The following CCDC30 variants were observed in gnomAD, a reference collection of about 807,000 sequenced individuals.
CCDC30 encodes the protein coiled-coil domain-containing protein 30.
Under a neutral mutation model 100.2 loss-of-function variants are expected in CCDC30, and 70 were observed. That is an observed-to-expected ratio of 0.70 (90% CI 0.58 to 0.85). The LOEUF is 0.85. CCDC30 is among the 40% of genes least tolerant of loss of function. The pLI is 0.00. For synonymous variants in CCDC30, 233 were observed against 269.5 expected (o/e 0.86, Z 1.33); for missense variants, 652 against 771.2 (o/e 0.85, Z 1.83).
chr1:42,479,861 A>G (rs1643930239), intron 1 of CCDC30, among the ~76,000 whole-genome samples: 1 of 152,108 alleles, frequency 6.6e-6, no homozygotes, highest in Non-Finnish European at 1.5e-5. Flanking sequence ...TTCCCATGGG[A>G]AGATGTGATT....
In CCDC30 at chr1:42,490,547, T is replaced by TTAC. The variant is rs142785295; in HGVS notation, c.241+331_241+333dup. On this transcript the variant is annotated intron_variant, in intron 4 of 16. Coordinates refer to ENST00000668663, the Ensembl canonical transcript of CCDC30. ...ATTGCTGTTGCTACTACTGTTATTA[T>TTAC]TACTACTACTACTACCACTACTACT... Among the ~76,000 whole-genome samples, 777 of 151,626 alleles carry TTAC rather than the reference T, an allele frequency of 5.1e-3. 7 individuals carry two copies. Among genetic ancestry groups the TTAC allele is most frequent in the African/African-American group, 0.018 (750 of 41,378 alleles).
At chr1:42,577,063 G>A (rs549080670) in exon 8 of CCDC30, 1 of 1,614,020 alleles carries the variant, frequency 6.2e-7, no homozygotes, top group African/African-American at 1.3e-5. Context: ...TTATTAGACA[G>A]CACAAAGATG....
Position 42,624,084 on chromosome 1 carries a change from T to G in CCDC30, c.1277+12994T>G, listed in dbSNP as rs190360095. 1.2e-3 allele frequency among the ~76,000 whole-genome samples: 183 copies of G among 152,342 alleles called. 1 individual carries two copies. Among genetic ancestry groups the G allele is most frequent in the African/African-American group, 4.3e-3 (178 of 41,586 alleles). On this transcript the variant is annotated intron_variant, in intron 11 of 16. Coordinates refer to ENST00000668663, the Ensembl canonical transcript of CCDC30. ...CTGATTTTTGTATGTTGATTTTCTA[T>G]TCTGCAACTTTACTGAATTTGTTTA...
intron 12 of CCDC30, among the ~76,000 whole-genome samples, chr1:42,642,069 C>T (rs1307041629): frequency 6.6e-6 from 1 of 151,818 alleles, no homozygotes; most frequent in Non-Finnish European, 1.5e-5. Flanking sequence ...ACTAAAAATA[C>T]AAAAAACTTA....
chr1:42,618,705 G>A (rs1646773799), intron 11 of CCDC30, among the ~76,000 whole-genome samples: 1 of 152,178 alleles, frequency 6.6e-6, no homozygotes, highest in Non-Finnish European at 1.5e-5. Context: ...TATGTAGTGG[G>A]TGCTGATGGT....
At chr1:42,613,541 A>T (rs1646667036) in intron 11 of CCDC30, among the ~76,000 whole-genome samples, 1 of 152,136 alleles carries the variant, frequency 6.6e-6, no homozygotes, top group Non-Finnish European at 1.5e-5. Context: ...GGCGTGAGCC[A>T]CCGTGCCCGG....
At chr1:42,544,032 T>C (rs917460737) in intron 6 of CCDC30, among the ~76,000 whole-genome samples, 3 of 152,174 alleles carry the variant, frequency 2.0e-5, no homozygotes, top group African/African-American at 7.2e-5. Context: ...CCATTTTCCT[T>C]TCTTATTTTT....
chr1:42,456,688 G>A, the CCDC30 span: 1 of 1,606,452 alleles, frequency 6.2e-7, no homozygotes, highest in Non-Finnish European at 8.5e-7. Context: ...TGTTGGTTAC[G>A]TCAGGCGGCA....
At chr1:42,513,959 A>G (rs1644517772) in intron 6 of CCDC30, among the ~76,000 whole-genome samples, 1 of 152,148 alleles carries the variant, frequency 6.6e-6, no homozygotes, top group Non-Finnish European at 1.5e-5. Flanking sequence ...TAACAACCAT[A>G]TCTCATGTGA....
chr1:42,457,239 CT>C, the CCDC30 span: 1 of 1,614,034 alleles, frequency 6.2e-7, no homozygotes, highest in Admixed American at 1.7e-5. Context: ...TTGTGTTTCT[CT>C]TTGCAGGCCC....
At chr1:42,608,711 T>A (rs116210446) in intron 10 of CCDC30, among the ~76,000 whole-genome samples, 1 of 104,524 alleles carries the variant, frequency 9.6e-6, no homozygotes, top group Non-Finnish European at 2.0e-5. Context: ...TCCGTCTCTC[T>A]GTCTCAAAAA....
chr1:42,486,530 G>A (rs1404096368), intron 3 of CCDC30, among the ~76,000 whole-genome samples: 4 of 152,176 alleles, frequency 2.6e-5, no homozygotes, highest in Non-Finnish European at 4.4e-5. Flanking sequence ...AACCTTAGGT[G>A]GTGAGTCTTT....
intron 6 of CCDC30, among the ~76,000 whole-genome samples, chr1:42,507,667 TA>T (rs1186515311): frequency 1.3e-5 from 2 of 152,258 alleles, no homozygotes; most frequent in Admixed American, 1.3e-4. Flanking sequence ...TTTTTAACTT[TA>T]ATGTGAAACC....
rs140772347 is a variant in CCDC30, at chr1:42,589,679, G to C, written c.1164+196G>C. On this transcript the variant is annotated intron_variant, in intron 10 of 16. Coordinates refer to ENST00000668663, the Ensembl canonical transcript of CCDC30. ...AAGAGCTTACAAAACAGTTGGAAGG[G>C]ACCAGGGGAGAGTAGAGTCAGAAAG... 757 of 450,808 alleles carry C rather than the reference G, an allele frequency of 1.7e-3. 5 individuals carry two copies. The highest frequency in any genetic ancestry group is 0.014 in the African/African-American group (687 of 50,488). 27.9% of individuals were successfully genotyped at this position (450,808 alleles called of 1,614,324 possible). A position where few individuals can be genotyped will look rare whatever the true frequency, so the allele number is the denominator to read the frequency against.
intron 8 of CCDC30, chr1:42,580,745 C>T (rs1184422597): frequency 2.4e-6 from 1 of 424,664 alleles, no homozygotes; most frequent in African/African-American, 2.1e-5. Flanking sequence ...TTTTAGTTCT[C>T]CCAGAGCATT....
exon 14 of CCDC30, chr1:42,644,773 G>T: frequency 6.2e-7 from 1 of 1,612,494 alleles, no homozygotes. Flanking sequence ...TTCTTAGAGC[G>T]AATTATAAGG....
rs574430893 is a variant in CCDC30 at position 42,586,630 on chromosome 1, G to A, written c.1002-2691G>A. Among the ~76,000 whole-genome samples the A allele has an allele frequency of 3.3e-5, 5 of 152,270 alleles. No homozygotes were observed. In the East Asian group the frequency reaches 9.7e-4, roughly 29 times the overall value. On this transcript the variant is annotated intron_variant, in intron 9 of 16. Coordinates refer to ENST00000668663, the Ensembl canonical transcript of CCDC30. ...ATGAGCCATGGTGCCCAGCTCTTGT[G>A]AGCCACAGTGCCCATTTCTCATGCA...
chr1:42,609,530 A>G (rs557811433), intron 10 of CCDC30, among the ~76,000 whole-genome samples: 14 of 152,326 alleles, frequency 9.2e-5, no homozygotes, highest in African/African-American at 2.9e-4. Context: ...AACTCCCTAC[A>G]AATACATTCC....
chr1:42,645,872 C>G (rs1186870118), intron 14 of CCDC30, among the ~76,000 whole-genome samples: 1 of 152,256 alleles, frequency 6.6e-6, no homozygotes, highest in African/African-American at 2.4e-5. Context: ...TTTCAGAGGC[C>G]TTTGGTCTAC....
Sources: gnomAD v4.1 joint callset for allele counts (sites outside exome capture counted in the v4.1 genomes callset) on GRCh38, gnomAD v4.1.1 for gene constraint, MANE v1.5 for transcripts, NCBI Gene and HGNC (gene_info 2026-07-23, HGNC 2026-07-21) for gene names.